CEMIP2: variants seen among roughly 807,000 people sequenced by gnomAD.
CEMIP2 encodes the protein cell surface hyaluronidase CEMIP2.
In CEMIP2, 79 loss-of-function variants were observed where a neutral mutation model predicts 146.9. That is an observed-to-expected ratio of 0.54 (90% CI 0.45 to 0.65). CEMIP2 has a LOEUF of 0.65. Ranked by LOEUF, CEMIP2 falls within the 30% of genes least tolerant of loss-of-function variation. The pLI is 0.00. For missense variants in CEMIP2, 1,596 were observed against 1,696.2 expected (o/e 0.94, Z 1.04); for synonymous variants, 601 against 606.3 (o/e 0.99, Z 0.13).
chr9:71,715,678 A>C (rs1823036871), intron 14 of CEMIP2, among the ~76,000 whole-genome samples: 1 of 142,826 alleles, frequency 7.0e-6, no homozygotes, highest in East Asian at 2.1e-4. Context: ...ACAGGGTCTC[A>C]TTCTGTCAGC....
chr9:71,731,169 A>G (rs143202428), intron 7 of CEMIP2, among the ~76,000 whole-genome samples: 136 of 152,324 alleles, frequency 8.9e-4, no homozygotes, highest in South Asian at 2.9e-3. Context: ...TGCAATAATG[A>G]TCTCTGCTAA....
intron 17 of CEMIP2, among the ~76,000 whole-genome samples, chr9:71,707,769 G>C (rs1324552091): frequency 6.6e-6 from 1 of 152,196 alleles, no homozygotes; most frequent in African/African-American, 2.4e-5. Flanking sequence ...ATCAAAGAAA[G>C]GGGCTTCTTT....
intron 20 of CEMIP2, among the ~76,000 whole-genome samples, chr9:71,697,582 T>C (rs1822437006): frequency 6.6e-6 from 1 of 152,204 alleles, no homozygotes; most frequent in Non-Finnish European, 1.5e-5. Flanking sequence ...ACAATTTTCA[T>C]ATTAGCTGTA....
At chr9:71,719,448 G>T (rs1823166812) in intron 12 of CEMIP2, among the ~76,000 whole-genome samples, 1 of 152,174 alleles carries the variant, frequency 6.6e-6, no homozygotes, top group Admixed American at 6.5e-5. Flanking sequence ...AATGCAATGG[G>T]AAGTCAATGG....
intron 12 of CEMIP2, among the ~76,000 whole-genome samples, chr9:71,719,842 C>CAAAAAAAAAAAAAAAAAAAA (rs34555277): frequency 3.2e-5 from 3 of 93,200 alleles, no homozygotes; most frequent in Non-Finnish European, 4.1e-5. Flanking sequence ...TAAACGAAAG[C>CAAAAAAAAAAAAAAAAAAAA]AAAAAAAAAA....
intron 7 of CEMIP2, among the ~76,000 whole-genome samples, chr9:71,732,071 T>G (rs191912523): frequency 0.068 from 10,300 of 151,582 alleles, 489 homozygotes; most frequent in South Asian, 0.19. Context: ...TTTTTTTTTG[T>G]TTTGTTTTGT....
rs1822184352 is a variant in CEMIP2 at position 71,690,162 on chromosome 9, C to G, written c.3781G>C (p.Glu1261Gln). The change falls in exon 22 of 24, where the codon GAA becomes CAA. Residue 1261 changes from glutamate to glutamine, a missense_variant. Physicochemically the swap from Glu to Gln is conservative, Grantham distance 29 (BLOSUM62 2). Transcript: ENST00000377044. ...DPCSVPFRLTEKTVFPLADVS... is the reference protein window; with the variant it reads ...DPCSVPFRLTQKTVFPLADVS... ...TCAGCAAGAGGAAAAACCGTTTTTT[C>G]CGTCAAGCGGAATGGAACGCTGCAC... is the stretch of plus-strand genomic sequence containing the variant. 1 of 1,613,948 alleles carries G rather than the reference C, an allele frequency of 6.2e-7. No homozygotes were observed. Among genetic ancestry groups the G allele is most frequent in the Middle Eastern group, 1.6e-4 (1 of 6,062 alleles).
At chr9:71,696,768 T>TCAA (rs1156851094) in intron 20 of CEMIP2, among the ~76,000 whole-genome samples, 8 of 151,746 alleles carry the variant, frequency 5.3e-5, no homozygotes, top group Non-Finnish European at 8.8e-5. Flanking sequence ...AGACTCCATC[T>TCAA]CAACAACAAC....
chr9:71,728,230 T>TATATATATATATATGTATATA (rs1564012043), intron 10 of CEMIP2, among the ~76,000 whole-genome samples: 29 of 20,660 alleles, frequency 1.4e-3, no homozygotes, highest in Middle Eastern at 0.016. Flanking sequence ...TCTCTCTCTC[T>TATATATATATATATGTATATA]CTATATATAT....
intron 1 of CEMIP2, among the ~76,000 whole-genome samples, chr9:71,760,579 C>CTACTA (rs1824603203): frequency 6.6e-6 from 1 of 151,096 alleles, no homozygotes; most frequent in Non-Finnish European, 1.5e-5. Context: ...AATGCTTGAC[C>CTACTA]CTAAAGCCAA....
At chr9:71,695,190 C>A (rs1398935073) in intron 20 of CEMIP2, among the ~76,000 whole-genome samples, 1 of 152,178 alleles carries the variant, frequency 6.6e-6, no homozygotes, top group Non-Finnish European at 1.5e-5. Context: ...GCCACTCTGC[C>A]TTTGCTGATG....
At chr9:71,732,114 T>C (rs1467492214) in intron 7 of CEMIP2, among the ~76,000 whole-genome samples, 1 of 152,166 alleles carries the variant, frequency 6.6e-6, no homozygotes, top group Non-Finnish European at 1.5e-5. Context: ...CTTCCCAATA[T>C]ATTGATTTGA....
At chr9:71,748,725 TG>T (rs1824159817) in intron 2 of CEMIP2, among the ~76,000 whole-genome samples, 1 of 152,230 alleles carries the variant, frequency 6.6e-6, no homozygotes, top group Admixed American at 6.5e-5. Flanking sequence ...GTTCATAATG[TG>T]GTCTACTTGT....
At chr9:71,728,287 A>ATATATATATACG (rs1554684746) in intron 10 of CEMIP2, among the ~76,000 whole-genome samples, 1 of 21,670 alleles carries the variant, frequency 4.6e-5, no homozygotes, top group African/African-American at 1.4e-4. Flanking sequence ...ATATGTATAT[A>ATATATATATACG]TATATATATA....
chr9:71,742,135 T>C (rs1036865104), intron 4 of CEMIP2, among the ~76,000 whole-genome samples: 3 of 152,252 alleles, frequency 2.0e-5, no homozygotes, highest in African/African-American at 7.2e-5. Flanking sequence ...GTCTGACAGA[T>C]GGCTAGATAT....
intron 23 of CEMIP2, 118 bp from the exon 24 acceptor site, chr9:71,685,511 T>C (rs1822034202): frequency 1.6e-6 from 2 of 1,227,592 alleles, no homozygotes; most frequent in South Asian, 1.8e-5. Context: ...ATTAAAAAAC[T>C]CTGCACTTCC....
At chr9:71,686,127 G>C (rs1822053683) in intron 22 of CEMIP2, 1 of 297,492 alleles carries the variant, frequency 3.4e-6, no homozygotes, top group Non-Finnish European at 6.3e-6. Flanking sequence ...GCCATGGATG[G>C]GTACCAGTAG....
At chr9:71,707,631 G>A (rs1460045383) in intron 17 of CEMIP2, among the ~76,000 whole-genome samples, 1 of 152,224 alleles carries the variant, frequency 6.6e-6, no homozygotes, top group African/African-American at 2.4e-5. Flanking sequence ...GCTCAGAGAA[G>A]TGACAAGCGG....
intron 12 of CEMIP2, among the ~76,000 whole-genome samples, chr9:71,720,306 T>C (rs899132961): frequency 4.6e-5 from 7 of 152,224 alleles, no homozygotes; most frequent in Non-Finnish European, 1.0e-4. Flanking sequence ...TGTTTGTTTT[T>C]TTGAGATGGA....
Sources: allele counts gnomAD v4.1 joint callset (sites outside exome capture counted in the v4.1 genomes callset), GRCh38; gene constraint gnomAD v4.1.1; transcripts MANE v1.5; gene names NCBI Gene and HGNC (gene_info 2026-07-23, HGNC 2026-07-21).